ZNF407: variants seen among roughly 807,000 people sequenced by gnomAD.
ZNF407 encodes zinc finger protein 407.
In ZNF407, 17 loss-of-function variants were observed where a neutral mutation model predicts 131.2. That is an observed-to-expected ratio of 0.13 (90% confidence interval 0.09 to 0.19). ZNF407 has a LOEUF of 0.19. ZNF407 is among the 10% of genes least tolerant of loss of function. The pLI, the probability that ZNF407 is intolerant of heterozygous loss-of-function variation, is 1.00. For synonymous variants in ZNF407, 1,156 were observed against 1,062.0 expected (o/e 1.09, Z -1.72); for missense variants, 2,681 against 2,830.6 (o/e 0.95, Z 1.20).
At chr18:74,617,696 T>C (rs1159066507) in intron 1 of ZNF407, among the ~76,000 whole-genome samples, 1 of 152,192 alleles carries the variant, frequency 6.6e-6, no homozygotes, top group Non-Finnish European at 1.5e-5. Context: ...ACTGTGTCCA[T>C]CTGCTCTTCA....
chr18:74,700,520 T>C (rs1398003418), intron 3 of ZNF407, among the ~76,000 whole-genome samples: 2 of 152,212 alleles, frequency 1.3e-5, no homozygotes, highest in Non-Finnish European at 2.9e-5. Flanking sequence ...TATTATTTCA[T>C]TTCCTCTAGT....
rs186325289 is a variant in ZNF407, at chr18:75,034,596, C to A, written c.5429-28554C>A. On this transcript the variant is annotated intron_variant, in intron 8 of 8. Coordinates refer to ENST00000299687, the MANE Select transcript of ZNF407 (RefSeq NM_017757.3). ...GGATTACAGGCGTGAGCCACTGCGC[C>A]CGGCGGGTTTTTTTTTTTTAAATCA... Among the ~76,000 whole-genome samples the A allele has an allele frequency of 2.6e-5, 4 of 151,548 alleles. No individual in the cohort carries two copies. The East Asian group carries it at 7.7e-4, about 29-fold the overall frequency.
chr18:74,845,957 G>A (rs1970696962), intron 4 of ZNF407, among the ~76,000 whole-genome samples: 1 of 152,146 alleles, frequency 6.6e-6, no homozygotes. Context: ...ACAGGCAGAG[G>A]AACTGGTAAA....
chr18:75,036,744 C>G (rs560728044), intron 8 of ZNF407, among the ~76,000 whole-genome samples: 2 of 152,316 alleles, frequency 1.3e-5, no homozygotes, highest in East Asian at 3.9e-4. Context: ...TTGCAAATTA[C>G]AGACATAAGA....
chr18:74,657,167 A>G (rs1985498951), intron 3 of ZNF407, among the ~76,000 whole-genome samples: 1 of 150,998 alleles, frequency 6.6e-6, no homozygotes, highest in African/African-American at 2.4e-5. Context: ...TTGTATCTAC[A>G]GTGGAAGGCA....
chr18:74,865,553 T>A (rs1449886655), intron 4 of ZNF407, among the ~76,000 whole-genome samples: 1 of 152,212 alleles, frequency 6.6e-6, no homozygotes, highest in Admixed American at 6.5e-5. Context: ...ATAAAGAAAC[T>A]TAGTTTAATA....
intron 8 of ZNF407, among the ~76,000 whole-genome samples, chr18:74,929,948 C>G (rs1461714146): frequency 6.6e-6 from 1 of 152,192 alleles, no homozygotes; most frequent in Admixed American, 6.5e-5. Flanking sequence ...TCCATATATC[C>G]TTCACCCAAC....
intron 1 of ZNF407, among the ~76,000 whole-genome samples, chr18:74,600,478 G>A (rs1982530956): frequency 6.6e-6 from 1 of 152,174 alleles, no homozygotes; most frequent in Non-Finnish European, 1.5e-5. Context: ...AGTTGTCAGG[G>A]AGCAGAGAGA....
At chr18:74,986,572 C>T (rs1278622662) in intron 8 of ZNF407, among the ~76,000 whole-genome samples, 1 of 152,144 alleles carries the variant, frequency 6.6e-6, no homozygotes. Flanking sequence ...TTATACTTGG[C>T]ATTCTCTCTC....
chr18:74,762,968 A>G (rs1969130693), intron 3 of ZNF407, among the ~76,000 whole-genome samples: 1 of 152,084 alleles, frequency 6.6e-6, no homozygotes, highest in Admixed American at 6.5e-5. Context: ...ACCTAAATCT[A>G]AAGTGATTGG....
At chr18:75,005,631 A>G (rs1472371614) in intron 8 of ZNF407, among the ~76,000 whole-genome samples, 1 of 152,066 alleles carries the variant, frequency 6.6e-6, no homozygotes, top group Non-Finnish European at 1.5e-5. Context: ...TTTCTGCTAC[A>G]GAAAGCAGAA....
chr18:75,027,345 GAATTTACCCTTTTCTCCTTT>G (rs1274630064), intron 8 of ZNF407, among the ~76,000 whole-genome samples: 3 of 152,144 alleles, frequency 2.0e-5, no homozygotes, highest in Non-Finnish European at 2.9e-5. Flanking sequence ...TTAATTTTAA[GAATTTACCCTTTTCTCCTTT>G]ATGGAGGATG....
chr18:74,906,256 T>C lies in ZNF407; in HGVS notation c.5250-14258T>C, dbSNP rs189350452. 2.6e-5 allele frequency among the ~76,000 whole-genome samples: 4 copies of C among 152,318 alleles called. No individual in the cohort carries two copies. In the East Asian group the frequency reaches 7.7e-4, roughly 29 times the overall value. ...ATTCTCCACCACACCCTCTCCTCTCTTCCCTGTTTTGATTATAGTATTCCT... is the reference window on the plus strand; with the variant it reads ...ATTCTCCACCACACCCTCTCCTCTCCTCCCTGTTTTGATTATAGTATTCCT... On this transcript the variant is annotated intron_variant, in intron 7 of 8. Coordinates refer to ENST00000299687, the MANE Select transcript of ZNF407 (RefSeq NM_017757.3).
At chr18:74,984,326 T>C (rs1972627614) in intron 8 of ZNF407, among the ~76,000 whole-genome samples, 1 of 152,188 alleles carries the variant, frequency 6.6e-6, no homozygotes. Flanking sequence ...AGTCATCACA[T>C]CTTTTTTAAA....
At chr18:74,731,962 C>G (rs547197) in intron 3 of ZNF407, among the ~76,000 whole-genome samples, 136,319 of 152,160 alleles carry the variant, frequency 0.9, 61,130 homozygotes, top group Non-Finnish European at 0.9. Flanking sequence ...AAGAAATCAT[C>G]AGGATCACTT....
At chr18:75,028,193 G>A (rs537487725) in intron 8 of ZNF407, among the ~76,000 whole-genome samples, 19 of 152,334 alleles carry the variant, frequency 1.2e-4, no homozygotes, top group Admixed American at 3.3e-4. Flanking sequence ...GAGGGCTGCC[G>A]TAACAAAGCA....
intron 1 of ZNF407, chr18:74,598,392 AC>A (rs1982407006): frequency 6.6e-6 from 1 of 152,144 alleles, no homozygotes; most frequent in East Asian, 1.9e-4. Context: ...TTCGGGACGC[AC>A]CCCTGCACCG....
intron 3 of ZNF407, among the ~76,000 whole-genome samples, chr18:74,745,773 G>A (rs981629084): frequency 6.6e-6 from 1 of 152,082 alleles, no homozygotes; most frequent in Non-Finnish European, 1.5e-5. Context: ...TTAGGAAACC[G>A]GTCTTATGGT....
At chr18:74,609,223 C>T (rs143956421) in intron 1 of ZNF407, among the ~76,000 whole-genome samples, 83 of 152,244 alleles carry the variant, frequency 5.5e-4, no homozygotes, top group African/African-American at 1.7e-3. Context: ...CTCTGTCTCA[C>T]ATTTGTCTTC....
Sources: gnomAD v4.1 joint callset for allele counts (sites outside exome capture counted in the v4.1 genomes callset) on GRCh38, gnomAD v4.1.1 for gene constraint, MANE v1.5 for transcripts, NCBI Gene and HGNC (gene_info 2026-07-23, HGNC 2026-07-21) for gene names.